PIGN: variants seen among roughly 807,000 people sequenced by gnomAD.
PIGN encodes the protein phosphatidylinositol glycan anchor biosynthesis class N.
A neutral mutation model predicts 125.4 loss-of-function variants in PIGN; 117 were observed. That is an observed-to-expected ratio of 0.93 (90% CI 0.80 to 1.09). The LOEUF (loss-of-function observed/expected upper bound fraction) is 1.09. Among genes scored for constraint, PIGN ranks in the 50% least tolerant of loss-of-function variants. The pLI, the probability that PIGN is intolerant of heterozygous loss-of-function variation, is 0.00. For missense variants in PIGN, 1,075 were observed against 1,094.9 expected (o/e 0.98, Z 0.26); for synonymous variants, 392 against 377.8 (o/e 1.04, Z -0.44).
intron 10 of PIGN, among the ~76,000 whole-genome samples, chr18:62,144,001 G>A (rs1276163877): frequency 6.6e-6 from 1 of 152,046 alleles, no homozygotes; most frequent in Non-Finnish European, 1.5e-5. Context: ...TAAGATATTT[G>A]TATAATAAAA....
At chr18:62,167,469 TA>T in intron 1 of PIGN, among the ~76,000 whole-genome samples, 1 of 151,128 alleles carries the variant, frequency 6.6e-6, no homozygotes, top group Non-Finnish European at 1.5e-5. Flanking sequence ...CCATCTCTAC[TA>T]AAAATACAAA....
At chr18:62,094,870 C>T (rs2034111287) in intron 23 of PIGN, among the ~76,000 whole-genome samples, 1 of 152,036 alleles carries the variant, frequency 6.6e-6, no homozygotes, top group Non-Finnish European at 1.5e-5. Flanking sequence ...TTTAGGGCCC[C>T]ACTGGATCAT....
intron 14 of PIGN, among the ~76,000 whole-genome samples, chr18:62,125,444 A>G (rs2035498789): frequency 6.6e-6 from 1 of 152,096 alleles, no homozygotes; most frequent in Non-Finnish European, 1.5e-5. Context: ...TTATTGTTCA[A>G]TTATGTGGCT....
chr18:62,182,999 T>C (rs2037770280), intron 1 of PIGN, among the ~76,000 whole-genome samples: 1 of 152,166 alleles, frequency 6.6e-6, no homozygotes, highest in South Asian at 2.1e-4. Context: ...TAGAGTTAGA[T>C]AGAAGGAATA....
Position 62,101,124 on chromosome 18 carries a change from CCTGAGTAGACTACT to C in PIGN, c.2014_2027del (p.Ser672GlufsTer12). ...GATTCATGAGAGGCAGTCCTTGCTTCCTGAGTAGACTACTCTGAGTGCTATACACAACATACATG... is the reference window on the plus strand; with the variant it reads ...GATTCATGAGAGGCAGTCCTTGCTTCCTGAGTGCTATACACAACATACATG... On this transcript the variant is annotated frameshift_variant, in exon 22 of 31. Transcript: ENST00000640252. LOFTEE classifies it high-confidence loss of function. The C allele has an allele frequency of 6.2e-7, 1 of 1,612,210 alleles. No individual in the cohort carries two copies. Among genetic ancestry groups the C allele is most frequent in the Non-Finnish European group, 8.5e-7 (1 of 1,178,692 alleles).
chr18:62,039,189 A>G (rs2030301414), downstream of PIGN, among the ~76,000 whole-genome samples: 1 of 152,062 alleles, frequency 6.6e-6, no homozygotes, highest in Non-Finnish European at 1.5e-5. Context: ...AAAATTTTAA[A>G]AACATAAAAT....
chr18:62,091,469 A>G (rs542684715), intron 23 of PIGN, among the ~76,000 whole-genome samples: 27 of 152,348 alleles, frequency 1.8e-4, no homozygotes, highest in African/African-American at 5.5e-4. Flanking sequence ...ATATTCATAT[A>G]CTATAATGCA....
downstream of PIGN, among the ~76,000 whole-genome samples, chr18:62,037,609 T>C (rs761538231): frequency 3.3e-5 from 5 of 152,260 alleles, no homozygotes; most frequent in Admixed American, 1.3e-4. Context: ...TGTGTTCCTC[T>C]GCTCTACTGG....
rs151266189 is a variant in PIGN, at chr18:62,142,264, T to C, written c.963+1042A>G. On this transcript the variant is annotated intron_variant, in intron 11 of 30. Transcript: ENST00000640252. Reference sequence around the variant, plus strand: ...CACATCACAGTGTTAGTAGAAGGAATGAATAGACAAAGAGATTCTCATTTG... The same window carrying C: ...CACATCACAGTGTTAGTAGAAGGAACGAATAGACAAAGAGATTCTCATTTG... 4.7e-3 allele frequency among the ~76,000 whole-genome samples: 723 copies of C among 152,272 alleles called. 8 individuals carry two copies. The highest frequency in any genetic ancestry group is 0.017 in the African/African-American group (691 of 41,550).
intron 14 of PIGN, among the ~76,000 whole-genome samples, chr18:62,119,250 T>G (rs561755808): frequency 5.3e-5 from 8 of 152,170 alleles, no homozygotes; most frequent in Admixed American, 4.6e-4. Context: ...AGATAAGGAT[T>G]CATTTTAAAA....
At chr18:62,167,158 A>C (rs185018398) in intron 1 of PIGN, among the ~76,000 whole-genome samples, 20 of 151,994 alleles carry the variant, frequency 1.3e-4, no homozygotes, top group African/African-American at 4.8e-4. Context: ...TCTCTCCCGT[A>C]TGCCTTGTCT....
At position 62,072,707 on chromosome 18, in the gene PIGN, TGACCAA is replaced by T. The variant is rs2032951582; in HGVS notation, c.2632_2637del (p.Leu878_Val879del). The stretch of plus-strand genomic sequence containing the variant: ...ATATCAAGCCAGCTGCCATAATCCT[TGACCAA>T]GAAGAAAAAATGCTGTAAAAAAAAA... On this transcript the variant is annotated inframe_deletion, in exon 30 of 31. Transcript: ENST00000640252. The T allele has an allele frequency of 1.3e-6, 2 of 1,594,624 alleles. No individual in the cohort carries two copies. Among genetic ancestry groups the T allele is most frequent in the Admixed American group, 3.5e-5 (2 of 56,916 alleles).
chr18:62,025,390 T>C (rs2030104749), intron 23 of PIGN, among the ~76,000 whole-genome samples: 1 of 152,210 alleles, frequency 6.6e-6, no homozygotes, highest in African/African-American at 2.4e-5. Flanking sequence ...CACTTAGAGA[T>C]AATAGGTGTT....
intron 19 of PIGN, 32 bp downstream of exon 19, chr18:62,106,757 A>C (rs778815824): frequency 7.2e-7 from 1 of 1,397,082 alleles, no homozygotes; most frequent in East Asian, 2.4e-5. Flanking sequence ...AGTAGTTACT[A>C]ATCTGTCCTA....
At chr18:62,067,216 T>C (rs2032573021) in intron 30 of PIGN, among the ~76,000 whole-genome samples, 1 of 152,226 alleles carries the variant, frequency 6.6e-6, no homozygotes, top group South Asian at 2.1e-4. Flanking sequence ...TTGTTGTTTA[T>C]GCATGCACCC....
chr18:62,083,253 T>G (rs1403322731), intron 27 of PIGN, among the ~76,000 whole-genome samples: 3 of 152,142 alleles, frequency 2.0e-5, no homozygotes, highest in Non-Finnish European at 1.5e-5. Context: ...ACACTCATTA[T>G]AACAAATATG....
At chr18:62,178,331 T>C (rs1273738158) in intron 1 of PIGN, among the ~76,000 whole-genome samples, 1 of 151,930 alleles carries the variant, frequency 6.6e-6, no homozygotes, top group Non-Finnish European at 1.5e-5. Flanking sequence ...CAGTTGATCC[T>C]GTCACTCTGC....
At chr18:62,031,109 T>C (rs748749437) in intron 23 of PIGN, among the ~76,000 whole-genome samples, 11 of 152,222 alleles carry the variant, frequency 7.2e-5, no homozygotes, top group Non-Finnish European at 1.5e-4. Context: ...GTGGAGATAA[T>C]TGAATCATGG....
chr18:62,090,335 CTTAA>C lies in PIGN; in HGVS notation c.2283+137_2283+140del, dbSNP rs1463740216. 25 of 556,884 alleles carry C rather than the reference CTTAA, an allele frequency of 4.5e-5. No individual in the cohort carries two copies. In the East Asian group the frequency reaches 6.6e-4, roughly 15 times the overall value. The allele number at this position is 556,884 out of a possible 1,614,324, so 34.5% of individuals were successfully genotyped here. A position where few individuals can be genotyped will look rare whatever the true frequency, so the allele number is the denominator to read the frequency against. ...CTTCCTTATCTATTATTAAGTTTAACTTAATTATTAATGCCAAACAACTAAAACT... is the reference window on the plus strand; with the variant it reads ...CTTCCTTATCTATTATTAAGTTTAACTTATTAATGCCAAACAACTAAAACT... On this transcript the variant is annotated intron_variant, in intron 24 of 30. Transcript: ENST00000640252.
Sources: gnomAD v4.1 joint callset for allele counts (sites outside exome capture counted in the v4.1 genomes callset) on GRCh38, gnomAD v4.1.1 for gene constraint, MANE v1.5 for transcripts, NCBI Gene and HGNC (gene_info 2026-07-23, HGNC 2026-07-21) for gene names.